Variants in DNAJC10 observed in about 807,000 individuals in gnomAD.
DNAJC10 encodes DnaJ heat shock protein family (Hsp40) member C10.
In DNAJC10, 101 loss-of-function variants were observed where a neutral mutation model predicts 115.0. The observed-to-expected ratio is 0.88, with a 90% CI of 0.75 to 1.04. The LOEUF (loss-of-function observed/expected upper bound fraction) is 1.04. Among genes scored for constraint, DNAJC10 ranks in the 50% least tolerant of loss-of-function variants. DNAJC10 has a pLI of 0.00. For synonymous variants in DNAJC10, 307 were observed against 301.5 expected, an observed-to-expected ratio of 1.02 and a Z score of -0.19; for missense variants, 981 against 928.8, an observed-to-expected ratio of 1.06 and a Z score of -0.73.
chr2:182,725,714 A>G (rs912106732), intron 5 of DNAJC10, among the ~76,000 whole-genome samples: 4 of 152,218 alleles, frequency 2.6e-5, no homozygotes, highest in African/African-American at 9.6e-5. Flanking sequence ...AGCCATCTCC[A>G]TAACATCAAA....
intron 21 of DNAJC10, among the ~76,000 whole-genome samples, chr2:182,759,537 A>G (rs1289185065): frequency 1.4e-4 from 22 of 152,132 alleles, no homozygotes; most frequent in Admixed American, 1.2e-3. Context: ...TCTACTAGCC[A>G]TAAAAGCCAG....
chr2:182,793,814 AAC>A lies in DNAJC10; in HGVS notation c.*16686_*16687del, dbSNP rs1472325713. On this transcript the variant is annotated 3_prime_UTR_variant, in exon 24 of 24. Coordinates refer to ENST00000264065, the MANE Select transcript of DNAJC10 (RefSeq NM_018981.4). ...CAATCCTAAAATTTTCCAGAGAGGA[AAC>A]ACATCACACACACACACACACACAC... 7.7e-6 allele frequency: 1 copy of A among 130,398 alleles called. No homozygotes were observed. The highest frequency in any genetic ancestry group is 2.9e-5 in the African/African-American group (1 of 34,222). The allele number at this position is 130,398 out of a possible 1,614,324, so 8.1% of individuals were successfully genotyped here.
Position 182,793,351 on chromosome 2 carries a change from C to A in DNAJC10, c.*16219C>A, listed in dbSNP as rs1695086202. 6.6e-6 allele frequency: 1 copy of A among 152,148 alleles called. No individual in the cohort carries two copies. Among genetic ancestry groups the A allele is most frequent in the Non-Finnish European group, 1.5e-5 (1 of 68,038 alleles). The allele number at this position is 152,148 out of a possible 1,614,324, so 9.4% of individuals were successfully genotyped here. On this transcript the variant is annotated 3_prime_UTR_variant, in exon 24 of 24. Transcript: ENST00000264065. The stretch of plus-strand genomic sequence containing the variant: ...TTTTGTAAGGACTTCAACTTCTACT[C>A]ACAGTGAAATTGTGAAATTCCAGAA...
intron 5 of DNAJC10, among the ~76,000 whole-genome samples, chr2:182,725,919 G>A (rs748410569): frequency 1.3e-5 from 2 of 152,040 alleles, no homozygotes; most frequent in Non-Finnish European, 2.9e-5. Flanking sequence ...TCTGCAGCCC[G>A]TAAATCAAGG....
chr2:182,757,107 T>G (rs1415983529), intron 18 of DNAJC10, among the ~76,000 whole-genome samples: 1 of 152,194 alleles, frequency 6.6e-6, no homozygotes, highest in African/African-American at 2.4e-5. Flanking sequence ...TCAGCATGTG[T>G]ATTTAGAAAA....
chr2:182,768,847 C>A (rs1255537470), intron 22 of DNAJC10, among the ~76,000 whole-genome samples: 1 of 152,058 alleles, frequency 6.6e-6, no homozygotes, highest in Non-Finnish European at 1.5e-5. Context: ...TAATTATACT[C>A]TAAGTTCTAG....
chr2:182,740,096 A>G (rs889192809), intron 11 of DNAJC10: 1 of 1,075,312 alleles, frequency 9.3e-7, no homozygotes, highest in African/African-American at 2.0e-5. Flanking sequence ...TCACTATTTA[A>G]GAAACAGCTT....
At chr2:182,727,069 A>T (rs1574920334) in intron 5 of DNAJC10, among the ~76,000 whole-genome samples, 2 of 126,426 alleles carry the variant, frequency 1.6e-5, no homozygotes. Flanking sequence ...TTTTTTTTTT[A>T]GACATAATGC....
chr2:182,721,172 A>G (rs1169922232), intron 4 of DNAJC10, among the ~76,000 whole-genome samples: 1 of 152,154 alleles, frequency 6.6e-6, no homozygotes, highest in Admixed American at 6.5e-5. Flanking sequence ...ATGCTTCTGT[A>G]TTAGACTAAA....
Position 182,741,321 on chromosome 2 carries a change from A to G in DNAJC10, c.1156A>G (p.Lys386Glu). 6.3e-7 allele frequency: 1 copy of G among 1,592,230 alleles called. No homozygotes were observed. Among genetic ancestry groups the G allele is most frequent in the Non-Finnish European group, 8.6e-7 (1 of 1,168,020 alleles). The change falls in exon 13 of 24, where the codon AAA becomes GAA. Residue 386 changes from lysine to glutamate, a missense_variant. Physicochemically the swap from Lys to Glu is moderately conservative, Grantham distance 56 (BLOSUM62 1). Transcript: ENST00000264065. ...AAATTCAAATGATCCTGAGCTGAAA[A>G]AACTAAAAACTCTACTTAAAAATGA... is the stretch of plus-strand genomic sequence containing the variant. ...NENSNDPELK[K>E]LKTLLKNDHI... is the part of the protein sequence containing the mutation.
chr2:182,718,232 G>C lies in DNAJC10; in HGVS notation c.146G>C (p.Arg49Thr). The C allele has an allele frequency of 6.2e-7, 1 of 1,613,056 alleles. No individual in the cohort carries two copies. Among genetic ancestry groups the C allele is most frequent in the Non-Finnish European group, 8.5e-7 (1 of 1,179,684 alleles). The change falls in exon 3 of 24, where the codon AGA becomes ACA. Residue 49 changes from arginine to threonine, a missense_variant. By Grantham distance (71) the Arg-to-Thr change is moderately conservative. Transcript: ENST00000264065. ...GGAGTGTCCAAAACTGCAAGCAGTA[G>C]AGAAATAAGACAAGCTTTCAAGAAA... Reference protein sequence around the residue: ...LLGVSKTASSREIRQAFKKLA... With the variant: ...LLGVSKTASSTEIRQAFKKLA...
intron 12 of DNAJC10, 24 bp downstream of exon 12, chr2:182,740,412 A>G: frequency 2.6e-6 from 4 of 1,546,266 alleles, no homozygotes; most frequent in Non-Finnish European, 3.5e-6. Context: ...TAATAATGAT[A>G]AGTAGCAATG....
chr2:182,729,784 T>G, intron 7 of DNAJC10, 64 bp from the exon 8 acceptor site: 3 of 1,047,496 alleles, frequency 2.9e-6, no homozygotes, highest in Non-Finnish European at 4.3e-6. Context: ...CTCTTTGGTA[T>G]TATTTTTATT....
chr2:182,777,936 T>G lies in DNAJC10; in HGVS notation c.*804T>G, dbSNP rs1015005401. On this transcript the variant is annotated 3_prime_UTR_variant, in exon 24 of 24. Coordinates refer to ENST00000264065, the MANE Select transcript of DNAJC10 (RefSeq NM_018981.4). ...AGGAAAACCTGAGGGAAAAAAATTA[T>G]AGCAATTAACTGGGCATTGTAGAGT... 1 of 152,198 alleles carries G rather than the reference T, an allele frequency of 6.6e-6. No homozygotes were observed. Among genetic ancestry groups the G allele is most frequent in the African/African-American group, 2.4e-5 (1 of 41,462 alleles). 9.4% of individuals were successfully genotyped at this position (152,198 alleles called of 1,614,324 possible). A position where few individuals can be genotyped will look rare whatever the true frequency, so the allele number is the denominator to read the frequency against.
chr2:182,722,011 A>C lies in DNAJC10; in HGVS notation c.368-14A>C. ...AGTTTTGATTTTATAATTTTTATAT[A>C]CTTTTAAAATTAGGTATTTATGATG... On this transcript the variant is annotated splice_polypyrimidine_tract_variant and intron_variant, in intron 4 of 23. Transcript: ENST00000264065. 1 of 1,395,222 alleles carries C rather than the reference A, an allele frequency of 7.2e-7. No individual in the cohort carries two copies. The highest frequency in any genetic ancestry group is 9.8e-7 in the Non-Finnish European group (1 of 1,019,722). 86.4% of individuals were successfully genotyped at this position (1,395,222 alleles called of 1,614,324 possible).
At chr2:182,746,785 T>G (rs1428191990) in intron 14 of DNAJC10, among the ~76,000 whole-genome samples, 1 of 152,230 alleles carries the variant, frequency 6.6e-6, no homozygotes, top group East Asian at 1.9e-4. Context: ...TTTTGTTGTT[T>G]TAGACATGAA....
At position 182,788,673 on chromosome 2, in the gene DNAJC10, AAGT is replaced by A; in HGVS notation, c.*11542_*11544del. 2.8e-6 allele frequency: 1 copy of A among 363,366 alleles called. No homozygotes were observed. The highest frequency in any genetic ancestry group is 2.2e-5 in the South Asian group (1 of 46,502). The allele number at this position is 363,366 out of a possible 1,614,324, so 22.5% of individuals were successfully genotyped here. ...TTCTTTTGTCCCAGAGAACAAAAGG[AAGT>A]GAGCTTATCCCACAGCACAAGTAAC... On this transcript the variant is annotated 3_prime_UTR_variant, in exon 24 of 24. Transcript: ENST00000264065.
At chr2:182,755,144 G>T (rs1048404534) in intron 17 of DNAJC10, 40 bp downstream of exon 17, 1 of 1,247,288 alleles carries the variant, frequency 8.0e-7, no homozygotes, top group South Asian at 1.2e-5. Flanking sequence ...AAATTTGTCT[G>T]TTTCTATGTA....
intron 22 of DNAJC10, among the ~76,000 whole-genome samples, chr2:182,765,980 A>C (rs1437619521): frequency 6.6e-6 from 1 of 152,184 alleles, no homozygotes; most frequent in Non-Finnish European, 1.5e-5. Context: ...AGGCCTGTGT[A>C]AGTGTACACG....
Sources: gnomAD v4.1 joint callset for allele counts (sites outside exome capture counted in the v4.1 genomes callset) on GRCh38, gnomAD v4.1.1 for gene constraint, MANE v1.5 for transcripts, NCBI Gene and HGNC (gene_info 2026-07-23, HGNC 2026-07-21) for gene names.